Variants in GRM8 observed in about 807,000 individuals in gnomAD.
GRM8 encodes metabotropic glutamate receptor 8.
Under a neutral mutation model 87.2 loss-of-function variants are expected in GRM8, and 47 were observed. The ratio of observed to expected loss-of-function variants is 0.54; its 90% CI spans 0.43 to 0.69. The LOEUF is 0.69. Ranked by LOEUF, GRM8 falls within the 30% of genes least tolerant of loss-of-function variation. The pLI is 0.00. For synonymous variants in GRM8, 396 were observed against 404.5 expected (o/e 0.98, Z 0.25); for missense variants, 1,019 against 1,139.2 (o/e 0.89, Z 1.52).
intron 7 of GRM8, among the ~76,000 whole-genome samples, chr7:126,614,098 TC>T (rs1024427629): frequency 1.3e-5 from 2 of 152,086 alleles, no homozygotes; most frequent in African/African-American, 4.8e-5. Flanking sequence ...GTCCCTGACC[TC>T]CAAGTAGCCT....
chr7:126,977,994 T>C (rs1811179514), intron 3 of GRM8, among the ~76,000 whole-genome samples: 1 of 152,036 alleles, frequency 6.6e-6, no homozygotes, highest in African/African-American at 2.4e-5. Flanking sequence ...AAATGTAAAA[T>C]GATGTGATTA....
chr7:126,978,663 C>A (rs1811238851), intron 3 of GRM8, among the ~76,000 whole-genome samples: 1 of 152,142 alleles, frequency 6.6e-6, no homozygotes, highest in Non-Finnish European at 1.5e-5. Context: ...TTTTGCAAAA[C>A]CAAGTCAAGT....
chr7:127,009,014 G>C (rs766311341), intron 3 of GRM8, among the ~76,000 whole-genome samples: 8 of 151,386 alleles, frequency 5.3e-5, no homozygotes, highest in Admixed American at 2.0e-4. Context: ...CTTTTAGTTT[G>C]CCAGGCTATG....
At chr7:126,760,919 G>A (rs1045033184) in intron 7 of GRM8, among the ~76,000 whole-genome samples, 4 of 152,140 alleles carry the variant, frequency 2.6e-5, no homozygotes, top group Admixed American at 6.5e-5. Flanking sequence ...AGATGAGGGC[G>A]GGCTCGATGA....
chr7:127,106,377 T>C, intron 3 of GRM8, 119 bp downstream of exon 3: 1 of 754,538 alleles, frequency 1.3e-6, no homozygotes, highest in South Asian at 1.7e-5. Flanking sequence ...GTGGACAGCC[T>C]AGTTCATGCA....
intron 2 of GRM8, among the ~76,000 whole-genome samples, chr7:127,219,001 T>G (rs1433715832): frequency 1.3e-5 from 2 of 152,162 alleles, no homozygotes; most frequent in African/African-American, 2.4e-5. Flanking sequence ...CAGGTAAGAG[T>G]TGGTTGCAGC....
intron 6 of GRM8, among the ~76,000 whole-genome samples, chr7:126,889,030 G>A (rs1183281055): frequency 3.3e-5 from 5 of 151,934 alleles, no homozygotes; most frequent in Admixed American, 6.6e-5. Flanking sequence ...ATCCTATGTC[G>A]GCCCACCGTT....
chr7:126,986,365 A>G (rs779174852), intron 3 of GRM8, among the ~76,000 whole-genome samples: 3 of 152,180 alleles, frequency 2.0e-5, no homozygotes, highest in African/African-American at 7.2e-5. Flanking sequence ...AAGAGAAAGA[A>G]AATTCTTTTT....
At chr7:126,819,288 A>ACACACACACC (rs1463834945) in intron 6 of GRM8, among the ~76,000 whole-genome samples, 10 of 151,756 alleles carry the variant, frequency 6.6e-5, no homozygotes, top group African/African-American at 2.4e-4. Context: ...ACACACACAC[A>ACACACACACC]CACACACACG....
chr7:126,614,153 C>T (rs895467007), intron 7 of GRM8, among the ~76,000 whole-genome samples: 6 of 152,198 alleles, frequency 3.9e-5, no homozygotes, highest in Admixed American at 3.3e-4. Context: ...ACACCTCACA[C>T]GGCCGGGTAC....
chr7:126,729,652 A>G (rs1813384677), intron 7 of GRM8, among the ~76,000 whole-genome samples: 1 of 152,196 alleles, frequency 6.6e-6, no homozygotes, highest in African/African-American at 2.4e-5. Flanking sequence ...GATACTGGGT[A>G]ACTGACTAGC....
intron 2 of GRM8, among the ~76,000 whole-genome samples, chr7:127,148,266 A>C (rs1828656735): frequency 6.6e-6 from 1 of 152,064 alleles, no homozygotes; most frequent in Admixed American, 6.6e-5. Context: ...GGATCAATTC[A>C]TCAAGAGGAC....
intron 10 of GRM8, 70 bp downstream of exon 10, chr7:126,446,056 G>T (rs759754243): frequency 1.3e-6 from 2 of 1,576,040 alleles, no homozygotes; most frequent in Admixed American, 3.3e-5. Flanking sequence ...ACTAGGAGAA[G>T]AATGTTCAAC....
intron 6 of GRM8, among the ~76,000 whole-genome samples, chr7:126,837,977 A>G (rs1586145681): frequency 6.6e-6 from 1 of 152,216 alleles, no homozygotes; most frequent in Non-Finnish European, 1.5e-5. Flanking sequence ...GAAGGAAAAC[A>G]TATCCTCTTA....
At chr7:126,998,648 A>G (rs1323037643) in intron 3 of GRM8, among the ~76,000 whole-genome samples, 1 of 151,756 alleles carries the variant, frequency 6.6e-6, no homozygotes. Flanking sequence ...AAAGAAAAAA[A>G]GTTCTTCCAT....
rs17866229 is a variant in GRM8, at chr7:127,224,562, A to G, written c.510+18133T>C. Among the ~76,000 whole-genome samples, 666 of 152,346 alleles carry G rather than the reference A, an allele frequency of 4.4e-3. 4 individuals carry two copies. Among genetic ancestry groups the G allele is most frequent in the African/African-American group, 0.016 (649 of 41,586 alleles). On this transcript the variant is annotated intron_variant, in intron 2 of 10. Transcript: ENST00000339582. ...AAGGAAGTTCTCTAAACAAAAAGGA[A>G]AAGATAAAAGAAAGAATGTCTCAGA... is the stretch of plus-strand genomic sequence containing the variant.
chr7:126,525,614 T>C (rs1813705864), intron 9 of GRM8, among the ~76,000 whole-genome samples: 1 of 152,230 alleles, frequency 6.6e-6, no homozygotes, highest in Non-Finnish European at 1.5e-5. Flanking sequence ...GAACCACTTA[T>C]GCATCTTGGG....
chr7:127,170,012 T>C (rs550006362), intron 2 of GRM8, among the ~76,000 whole-genome samples: 5 of 152,194 alleles, frequency 3.3e-5, no homozygotes, highest in Admixed American at 2.6e-4. Context: ...CTGTAGCCCA[T>C]GGATCAAGGA....
In GRM8 at chr7:126,609,744, G is replaced by A. The variant is rs2073863; in HGVS notation, c.1358-246C>T. Among the ~76,000 whole-genome samples, 3,577 of 152,268 alleles carry A rather than the reference G, an allele frequency of 0.023. 325 individuals are homozygous for A. In the East Asian group the frequency reaches 0.3, roughly 13 times the overall value. On this transcript the variant is annotated intron_variant, in intron 7 of 10. Coordinates refer to ENST00000339582, the MANE Select transcript of GRM8 (RefSeq NM_000845.3). ...TAGAAAGTAAATGATGAGTATCCAA[G>A]TTAAGCAATGCACATAACAGCTAAA... is the stretch of plus-strand genomic sequence containing the variant.
Sources: gnomAD v4.1 joint callset for allele counts (sites outside exome capture counted in the v4.1 genomes callset) on GRCh38, gnomAD v4.1.1 for gene constraint, MANE v1.5 for transcripts, NCBI Gene and HGNC (gene_info 2026-07-23, HGNC 2026-07-21) for gene names.